The following THSD4 variants were observed in gnomAD, a reference collection of about 807,000 sequenced individuals.
The protein encoded by THSD4 is thrombospondin type 1 domain containing 4, also known as thrombospondin type-1 domain-containing protein 4.
In THSD4, 69 loss-of-function variants were observed where a neutral mutation model predicts 119.0. The ratio of observed to expected loss-of-function variants is 0.58; its 90% CI spans 0.48 to 0.71. The LOEUF is 0.71. Ranked by LOEUF, THSD4 falls within the 30% of genes least tolerant of loss-of-function variation. The probability of loss-of-function intolerance (pLI) is 0.00; values close to 1 mark genes in which losing one functional copy is unlikely to be tolerated. For synonymous variants in THSD4, 524 were observed against 540.4 expected (o/e 0.97, Z 0.42); for missense variants, 1,393 against 1,391.1 (o/e 1.00, Z -0.02).
chr15:71,294,273 T>C lies in THSD4; in HGVS notation c.1015+37558T>C, dbSNP rs527472124. ...TGCCCTTTTACAGAGAATGCCTGTT[T>C]TTCACTGTCTAGCTCAGTTACCAGG... On this transcript the variant is annotated intron_variant, in intron 6 of 17. Transcript: ENST00000261862. Among the ~76,000 whole-genome samples the C allele has an allele frequency of 7.7e-4, 117 of 152,294 alleles. 1 individual carries two copies. In the Middle Eastern group the frequency reaches 0.014, roughly 18 times the overall value.
chr15:71,462,193 A>T (rs1243547291), intron 7 of THSD4, among the ~76,000 whole-genome samples: 2 of 151,972 alleles, frequency 1.3e-5, no homozygotes, highest in Non-Finnish European at 2.9e-5. Flanking sequence ...ACAGGGTCTC[A>T]CTCTGTCACC....
chr15:71,351,272 C>T (rs2045740561), intron 6 of THSD4, among the ~76,000 whole-genome samples: 1 of 152,132 alleles, frequency 6.6e-6, no homozygotes, highest in Non-Finnish European at 1.5e-5. Flanking sequence ...CCAAACCTAG[C>T]TAGTGAGGAG....
chr15:71,515,084 A>C (rs2048338518), intron 7 of THSD4, among the ~76,000 whole-genome samples: 1 of 152,236 alleles, frequency 6.6e-6, no homozygotes, highest in Non-Finnish European at 1.5e-5. Context: ...GACATCCTTA[A>C]GGAATTTAAT....
intron 8 of THSD4, among the ~76,000 whole-genome samples, chr15:71,701,813 G>C (rs938590247): frequency 8.5e-5 from 13 of 152,150 alleles, no homozygotes; most frequent in Non-Finnish European, 1.8e-4. Flanking sequence ...TCCTTGTGGA[G>C]TGAAGCGAGA....
At chr15:71,164,629 A>G (rs573614383) in intron 3 of THSD4, 20 of 1,258,374 alleles carry the variant, frequency 1.6e-5, no homozygotes, top group East Asian at 2.3e-5. Context: ...TGTGTTAACT[A>G]TACAAAAAAA....
At chr15:71,329,001 G>T (rs1208388715) in intron 6 of THSD4, among the ~76,000 whole-genome samples, 1 of 152,168 alleles carries the variant, frequency 6.6e-6, no homozygotes, top group Non-Finnish European at 1.5e-5. Context: ...ACAAGATCAA[G>T]ATTTTTTTCC....
intron 7 of THSD4, among the ~76,000 whole-genome samples, chr15:71,513,926 T>C (rs2048318576): frequency 6.6e-6 from 1 of 152,214 alleles, no homozygotes. Context: ...ACACAAGAAT[T>C]GATCTGTAAC....
intron 7 of THSD4, among the ~76,000 whole-genome samples, chr15:71,426,453 G>T (rs2046870280): frequency 6.6e-6 from 1 of 151,238 alleles, no homozygotes; most frequent in Non-Finnish European, 1.5e-5. Context: ...ACACTATTGT[G>T]CTCTGCTGAA....
At chr15:71,307,545 G>T (rs1389286283) in intron 6 of THSD4, among the ~76,000 whole-genome samples, 1 of 152,152 alleles carries the variant, frequency 6.6e-6, no homozygotes, top group Non-Finnish European at 1.5e-5. Context: ...GCTGAGGCAG[G>T]TAGATCATGA....
In THSD4 at chr15:71,737,771, G is replaced by A; in HGVS notation, c.1670G>A (p.Ser557Asn). Reference protein sequence around the residue: ...FNGQMVTEGRSQEEGEQKGRN... With the variant: ...FNGQMVTEGRNQEEGEQKGRN... ...GGCCAGATGGTGACAGAAGGCAGGA[G>A]CCAGGAGGAGGGAGAACAGAAAGGG... The change falls in exon 11 of 18, where the codon AGC becomes AAC. Residue 557 changes from serine to asparagine, a missense_variant. By Grantham distance (46) the Ser-to-Asn change is conservative. Transcript: ENST00000261862. 1 of 1,613,768 alleles carries A rather than the reference G, an allele frequency of 6.2e-7. No homozygotes were observed. Among genetic ancestry groups the A allele is most frequent in the Middle Eastern group, 1.7e-4 (1 of 6,056 alleles).
chr15:71,586,101 T>C (rs1359794868), intron 7 of THSD4, among the ~76,000 whole-genome samples: 1 of 152,198 alleles, frequency 6.6e-6, no homozygotes, highest in Non-Finnish European at 1.5e-5. Flanking sequence ...ACTGATGTTC[T>C]ATTAGTTTAT....
At chr15:71,724,445 C>T (rs950005821) in intron 8 of THSD4, among the ~76,000 whole-genome samples, 1 of 151,038 alleles carries the variant, frequency 6.6e-6, no homozygotes, top group Admixed American at 6.6e-5. Flanking sequence ...ACCACCACGC[C>T]CAGCTAATTT....
chr15:71,774,884 C>A (rs1032592346), intron 17 of THSD4, among the ~76,000 whole-genome samples: 1 of 152,196 alleles, frequency 6.6e-6, no homozygotes, highest in African/African-American at 2.4e-5. Context: ...ACGTGACTCA[C>A]ACCTGTAATC....
chr15:71,630,754 A>G (rs1053047078), intron 7 of THSD4, among the ~76,000 whole-genome samples: 3 of 152,168 alleles, frequency 2.0e-5, no homozygotes. Context: ...GGGTGTTTGA[A>G]TGCACCAGTG....
chr15:71,218,699 A>G (rs2043954016), intron 4 of THSD4, among the ~76,000 whole-genome samples: 1 of 152,218 alleles, frequency 6.6e-6, no homozygotes, highest in Non-Finnish European at 1.5e-5. Flanking sequence ...GTACTTGCAT[A>G]GTATATTTGA....
At chr15:71,153,925 G>A (rs1262510915) in intron 2 of THSD4, among the ~76,000 whole-genome samples, 1 of 152,140 alleles carries the variant, frequency 6.6e-6, no homozygotes, top group African/African-American at 2.4e-5. Context: ...TTTGGTCCGA[G>A]GTTACATTTC....
intron 6 of THSD4, among the ~76,000 whole-genome samples, chr15:71,263,352 A>G (rs1044919877): frequency 1.3e-4 from 7 of 55,278 alleles, no homozygotes; most frequent in African/African-American, 5.1e-4. Flanking sequence ...TATATACGAC[A>G]TTTTCTTTAT....
At chr15:71,731,952 GCCTT>G (rs1195156559) in intron 10 of THSD4, 1 of 152,310 alleles carries the variant, frequency 6.6e-6, no homozygotes, top group Non-Finnish European at 1.5e-5. Context: ...GGAGCCACCT[GCCTT>G]CCTTGGTTCC....
chr15:71,712,391 G>A (rs916046152), intron 8 of THSD4, among the ~76,000 whole-genome samples: 2 of 152,118 alleles, frequency 1.3e-5, no homozygotes, highest in Non-Finnish European at 2.9e-5. Context: ...AGAAATCTGT[G>A]GCATTAAATG....
Sources: gnomAD v4.1 joint callset for allele counts (sites outside exome capture counted in the v4.1 genomes callset) on GRCh38, gnomAD v4.1.1 for gene constraint, MANE v1.5 for transcripts, NCBI Gene and HGNC (gene_info 2026-07-23, HGNC 2026-07-21) for gene names.